Variants in SYN2 observed in about 807,000 individuals in gnomAD.
SYN2 encodes the protein synapsin II.
Under a neutral mutation model 50.9 loss-of-function variants are expected in SYN2, and 19 were observed. That is an observed-to-expected ratio of 0.37 (90% CI 0.26 to 0.55). The LOEUF (loss-of-function observed/expected upper bound fraction) is 0.55. Among genes scored for constraint, SYN2 ranks in the 20% least tolerant of loss-of-function variants. The pLI, the probability that SYN2 is intolerant of heterozygous loss-of-function variation, is 0.81. For synonymous variants in SYN2, 255 were observed against 224.9 expected, an observed-to-expected ratio of 1.13 and a Z score of -1.20; for missense variants, 587 against 576.4, an observed-to-expected ratio of 1.02 and a Z score of -0.19.
At chr3:12,132,707 T>C (rs1181967415) in intron 1 of SYN2, among the ~76,000 whole-genome samples, 4 of 152,264 alleles carry the variant, frequency 2.6e-5, no homozygotes, top group African/African-American at 9.6e-5. Context: ...TGCTGTATCA[T>C]AAATAGGAAA....
At chr3:12,064,919 A>C (rs533410254) in intron 1 of SYN2, among the ~76,000 whole-genome samples, 1 of 152,282 alleles carries the variant, frequency 6.6e-6, no homozygotes, top group East Asian at 1.9e-4. Context: ...CAACTTGTAC[A>C]CAGATGTTCA....
chr3:12,136,471 C>A (rs1440217529), intron 1 of SYN2, among the ~76,000 whole-genome samples: 4 of 152,164 alleles, frequency 2.6e-5, no homozygotes, highest in African/African-American at 9.7e-5. Context: ...TAGAAGTAGG[C>A]CTGAACCTAG....
chr3:12,015,982 A>C (rs1694021925), intron 1 of SYN2, among the ~76,000 whole-genome samples: 2 of 152,214 alleles, frequency 1.3e-5, no homozygotes, highest in Admixed American at 1.3e-4. Flanking sequence ...AATCCTGTAC[A>C]AAGAGGCTTG....
At chr3:12,069,305 G>C (rs1695288066) in intron 1 of SYN2, among the ~76,000 whole-genome samples, 1 of 150,980 alleles carries the variant, frequency 6.6e-6, no homozygotes, top group South Asian at 2.1e-4. Context: ...CTGGAGTGCA[G>C]TGGCACAATC....
intron 11 of SYN2, chr3:12,185,225 A>G (rs1698313601): frequency 2.0e-6 from 2 of 985,766 alleles, no homozygotes; most frequent in Non-Finnish European, 2.4e-6. Context: ...AAACGATAGA[A>G]TAAAGTAACA....
intron 10 of SYN2, among the ~76,000 whole-genome samples, chr3:12,177,322 A>AT (rs147874047): frequency 0.055 from 8,424 of 152,184 alleles, 267 homozygotes; most frequent in Middle Eastern, 0.12. Context: ...ATATTTTGCA[A>AT]TTTTTTTAGC....
intron 1 of SYN2, among the ~76,000 whole-genome samples, chr3:12,085,942 A>C (rs1360863428): frequency 6.6e-6 from 1 of 152,146 alleles, no homozygotes; most frequent in Non-Finnish European, 1.5e-5. Flanking sequence ...ACAATAGAAA[A>C]TATCAATAAA....
chr3:12,054,597 C>T (rs979495743), intron 1 of SYN2, among the ~76,000 whole-genome samples: 4 of 151,794 alleles, frequency 2.6e-5, no homozygotes, highest in African/African-American at 9.7e-5. Context: ...GCCCAGAGGT[C>T]TCCCTTTGTA....
chr3:12,049,140 A>G (rs1371194409), intron 1 of SYN2, among the ~76,000 whole-genome samples: 1 of 152,206 alleles, frequency 6.6e-6, no homozygotes, highest in East Asian at 1.9e-4. Flanking sequence ...TATGTGTAGT[A>G]AGATAGTCTG....
At chr3:12,167,155 A>G in intron 7 of SYN2, 79 bp from the exon 8 acceptor site, 1 of 1,462,706 alleles carries the variant, frequency 6.8e-7, no homozygotes, top group South Asian at 1.2e-5. Context: ...ACAGTGAACT[A>G]AAATTCTGGA....
intron 1 of SYN2, among the ~76,000 whole-genome samples, chr3:12,033,311 C>T (rs533847476): frequency 4.6e-5 from 7 of 152,152 alleles, no homozygotes; most frequent in South Asian, 4.1e-4. Context: ...AGAAATCACC[C>T]GTCTTCTGCG....
chr3:12,070,201 C>G, intron 1 of SYN2: 1 of 380,376 alleles, frequency 2.6e-6, no homozygotes. Flanking sequence ...ACTGCTCTGC[C>G]GCCCTGCTCC....
intron 1 of SYN2, among the ~76,000 whole-genome samples, chr3:12,054,742 T>G (rs1694951270): frequency 6.6e-6 from 1 of 151,934 alleles, no homozygotes; most frequent in South Asian, 2.1e-4. Context: ...TCTTTTTTGC[T>G]TAGCTTTACT....
rs142487308 is a variant in SYN2 at position 12,049,478 on chromosome 3, C to G, written c.377+44550C>G. ...AGGCTGCAGTGAGCCAACATTGTGC[C>G]ACTGCATTGCAGCCAGGGTGACAGA... On this transcript the variant is annotated intron_variant, in intron 1 of 12. Coordinates refer to ENST00000621198, the MANE Select transcript of SYN2 (RefSeq NM_133625.6). Among the ~76,000 whole-genome samples, 29 of 151,260 alleles carry G rather than the reference C, an allele frequency of 1.9e-4. No homozygotes were observed. The East Asian group carries it at 5.5e-3, about 29-fold the overall frequency.
intron 4 of SYN2, among the ~76,000 whole-genome samples, chr3:12,146,604 G>A (rs1697155189): frequency 6.6e-6 from 1 of 152,184 alleles, no homozygotes; most frequent in Non-Finnish European, 1.5e-5. Flanking sequence ...AAGTTACAGT[G>A]CCAGGATTTC....
intron 4 of SYN2, among the ~76,000 whole-genome samples, chr3:12,147,583 T>G (rs553330695): frequency 1.1e-3 from 173 of 152,208 alleles, no homozygotes; most frequent in Non-Finnish European, 2.1e-3. Flanking sequence ...ATGTCCTTCC[T>G]ACGGCACACG....
At chr3:12,190,309 G>C (rs923118351) in intron 12 of SYN2, among the ~76,000 whole-genome samples, 181 bp from the exon 13 acceptor site, 1 of 152,102 alleles carries the variant, frequency 6.6e-6, no homozygotes, top group Non-Finnish European at 1.5e-5. Flanking sequence ...CCAAAGTTGA[G>C]GAAGTAGCGT....
chr3:12,140,504 C>G (rs989457314), intron 1 of SYN2, 147 bp from the exon 2 acceptor site: 1 of 676,536 alleles, frequency 1.5e-6, no homozygotes, highest in Non-Finnish European at 2.7e-6. Flanking sequence ...TTGTGGTGAT[C>G]TCATAGCAGA....
At chr3:12,105,850 C>T (rs1559422025) in intron 1 of SYN2, among the ~76,000 whole-genome samples, 1 of 152,048 alleles carries the variant, frequency 6.6e-6, no homozygotes, top group Non-Finnish European at 1.5e-5. Flanking sequence ...CCCACCTTGC[C>T]ACCTTAGTAG....
Sources: gnomAD v4.1 joint callset for allele counts (sites outside exome capture counted in the v4.1 genomes callset) on GRCh38, gnomAD v4.1.1 for gene constraint, MANE v1.5 for transcripts, NCBI Gene and HGNC (gene_info 2026-07-23, HGNC 2026-07-21) for gene names.